Variants in RPS6KC1 observed in about 807,000 individuals in gnomAD.
RPS6KC1 encodes ribosomal protein S6 kinase C1, also known as inactive ribosomal protein S6 kinase delta-1.
In RPS6KC1, 54 loss-of-function variants were observed where a neutral mutation model predicts 103.8. The ratio of observed to expected loss-of-function variants is 0.52; its 90% CI spans 0.42 to 0.65. The LOEUF (loss-of-function observed/expected upper bound fraction) is 0.65, where lower values mean the gene tolerates loss of function less well. Ranked by LOEUF, RPS6KC1 falls within the 30% of genes least tolerant of loss-of-function variation. RPS6KC1 has a pLI of 0.00. For missense variants in RPS6KC1, 1,151 were observed against 1,253.8 expected (o/e 0.92, Z 1.24); for synonymous variants, 439 against 438.7 (o/e 1.00, Z -0.01).
chr1:213,131,959 T>C (rs1456520680), intron 6 of RPS6KC1, among the ~76,000 whole-genome samples: 1 of 152,244 alleles, frequency 6.6e-6, no homozygotes, highest in Non-Finnish European at 1.5e-5. Context: ...ATCAGTGTGG[T>C]CAGTGTGACA....
chr1:213,395,808 C>T, the RPS6KC1 span, among the ~76,000 whole-genome samples: 7 of 152,292 alleles, frequency 4.6e-5, no homozygotes, highest in South Asian at 4.1e-4. Context: ...GGTTTGTGGG[C>T]GGGCTGCAGG....
At chr1:213,233,622 T>C (rs543828804) in intron 10 of RPS6KC1, among the ~76,000 whole-genome samples, 3 of 152,324 alleles carry the variant, frequency 2.0e-5, no homozygotes, top group East Asian at 3.9e-4. Flanking sequence ...CTTCTCCATA[T>C]CATTTTTCAT....
chr1:213,262,664 A>G, intron 13 of RPS6KC1, 57 bp from the exon 14 acceptor site: 1 of 1,129,084 alleles, frequency 8.9e-7, no homozygotes, highest in Non-Finnish European at 1.4e-6. Flanking sequence ...AAATCCTATG[A>G]TAGAACAAAA....
At chr1:213,548,908 G>A in the RPS6KC1 span, among the ~76,000 whole-genome samples, 45 of 152,132 alleles carry the variant, frequency 3.0e-4, 1 homozygote, top group Admixed American at 2.9e-3. Context: ...AGAATTGTAA[G>A]TTAAAGTTAA....
the RPS6KC1 span, among the ~76,000 whole-genome samples, chr1:213,785,769 G>GA: frequency 6.6e-6 from 1 of 152,016 alleles, no homozygotes; most frequent in African/African-American, 2.4e-5. Context: ...AATCATTTAG[G>GA]AAAAATCATT....
the RPS6KC1 span, among the ~76,000 whole-genome samples, chr1:213,793,658 C>A: frequency 6.6e-6 from 1 of 152,174 alleles, no homozygotes; most frequent in Non-Finnish European, 1.5e-5. Context: ...TCAAGACTAA[C>A]CGGAGGCAAA....
At chr1:213,417,246 C>T in the RPS6KC1 span, among the ~76,000 whole-genome samples, 1 of 152,156 alleles carries the variant, frequency 6.6e-6, no homozygotes, top group Non-Finnish European at 1.5e-5. Context: ...AGATTAGTCA[C>T]CATGCACACA....
chr1:213,118,572 C>A (rs970038221), intron 5 of RPS6KC1, among the ~76,000 whole-genome samples: 3 of 151,976 alleles, frequency 2.0e-5, no homozygotes, highest in African/African-American at 7.2e-5. Flanking sequence ...TAACATAAAT[C>A]TCTTGCAGTA....
At chr1:213,549,983 CA>C in the RPS6KC1 span, among the ~76,000 whole-genome samples, 1 of 151,910 alleles carries the variant, frequency 6.6e-6, no homozygotes, top group Admixed American at 6.6e-5. Context: ...AGAGGGGCAT[CA>C]GGGGATAAGG....
chr1:213,384,575 A>C, the RPS6KC1 span, among the ~76,000 whole-genome samples: 1 of 152,078 alleles, frequency 6.6e-6, no homozygotes, highest in Non-Finnish European at 1.5e-5. Context: ...GAAGGTGTCG[A>C]GGGCAGGAGG....
chr1:213,315,564 C>T, the RPS6KC1 span, among the ~76,000 whole-genome samples: 9 of 152,252 alleles, frequency 5.9e-5, no homozygotes, highest in East Asian at 5.8e-4. Context: ...CCCTTTAAAT[C>T]GCAAATAGTC....
chr1:213,830,696 C>G, the RPS6KC1 span, among the ~76,000 whole-genome samples: 1 of 150,012 alleles, frequency 6.7e-6, no homozygotes, highest in African/African-American at 2.4e-5. Flanking sequence ...AAAAAACTCT[C>G]AAAACGATAT....
chr1:213,501,576 TA>T, the RPS6KC1 span, among the ~76,000 whole-genome samples: 2 of 151,910 alleles, frequency 1.3e-5, no homozygotes, highest in Non-Finnish European at 2.9e-5. Context: ...CCATCTCTAC[TA>T]AAAATATTAA....
chr1:213,395,099 C>G, the RPS6KC1 span, among the ~76,000 whole-genome samples: 1 of 152,184 alleles, frequency 6.6e-6, no homozygotes, highest in Non-Finnish European at 1.5e-5. Context: ...TGGCCAATAG[C>G]AGGTGTTGGG....
At chr1:213,573,692 A>T in the RPS6KC1 span, among the ~76,000 whole-genome samples, 1 of 152,242 alleles carries the variant, frequency 6.6e-6, no homozygotes, top group Non-Finnish European at 1.5e-5. Context: ...TGGATATCAG[A>T]AATGATATCA....
intron 1 of RPS6KC1, among the ~76,000 whole-genome samples, chr1:213,054,605 G>C (rs867400941): frequency 8.5e-5 from 13 of 152,196 alleles, no homozygotes; most frequent in African/African-American, 2.6e-4. Context: ...ATCCTTGCAG[G>C]GTTATTTCTG....
chr1:213,558,919 G>A, the RPS6KC1 span, among the ~76,000 whole-genome samples: 1 of 152,176 alleles, frequency 6.6e-6, no homozygotes, highest in Non-Finnish European at 1.5e-5. Flanking sequence ...AATAGCTCCA[G>A]AGCCTCTCTA....
chr1:213,513,224 G>T, the RPS6KC1 span, among the ~76,000 whole-genome samples: 7 of 152,092 alleles, frequency 4.6e-5, no homozygotes, highest in Non-Finnish European at 7.4e-5. Context: ...CTCTAGAAGT[G>T]GGGAAGAGCA....
At chr1:213,447,383 C>T in the RPS6KC1 span, among the ~76,000 whole-genome samples, 3 of 152,058 alleles carry the variant, frequency 2.0e-5, no homozygotes, top group African/African-American at 7.3e-5. Flanking sequence ...TGCATCTGGC[C>T]TATAATGCCA....
Sources: allele counts gnomAD v4.1 joint callset (sites outside exome capture counted in the v4.1 genomes callset), GRCh38; gene constraint gnomAD v4.1.1; transcripts MANE v1.5; gene names NCBI Gene and HGNC (gene_info 2026-07-23, HGNC 2026-07-21).